TPTE: variants seen among roughly 807,000 people sequenced by gnomAD.
TPTE encodes putative tyrosine-protein phosphatase TPTE.
TPTE carries 59 observed loss-of-function variants against 84.1 expected under a neutral mutation model. The observed-to-expected ratio is 0.70, with a 90% confidence interval of 0.57 to 0.87. The LOEUF (loss-of-function observed/expected upper bound fraction) is 0.87, where lower values mean the gene tolerates loss of function less well. Ranked by LOEUF, TPTE falls within the 40% of genes least tolerant of loss-of-function variation. The pLI is 0.00. For missense variants in TPTE, 382 were observed against 659.6 expected, an observed-to-expected ratio of 0.58 and a Z score of 4.61; for synonymous variants, 130 against 223.5, an observed-to-expected ratio of 0.58 and a Z score of 3.73.
chr21:10,565,644 G>C (rs1277152670), intron 10 of TPTE, among the ~76,000 whole-genome samples: 1 of 152,302 alleles, frequency 6.6e-6, no homozygotes, highest in African/African-American at 2.4e-5. Context: ...CATGGCACTG[G>C]CATAAAAACA....
At chr21:10,562,187 G>A (rs1249589741) in intron 10 of TPTE, among the ~76,000 whole-genome samples, 11 of 152,302 alleles carry the variant, frequency 7.2e-5, no homozygotes, top group African/African-American at 2.2e-4. Flanking sequence ...GAGGCTTGGG[G>A]TGCCCCCTAA....
chr21:10,579,619 A>G (rs1262987718), intron 17 of TPTE, among the ~76,000 whole-genome samples: 2 of 152,310 alleles, frequency 1.3e-5, no homozygotes, highest in Non-Finnish European at 2.9e-5. Context: ...GATTCCACAA[A>G]TAAGCAAGAC....
intron 17 of TPTE, among the ~76,000 whole-genome samples, chr21:10,585,291 A>G (rs1444775477): frequency 6.6e-6 from 1 of 152,268 alleles, no homozygotes; most frequent in Non-Finnish European, 1.5e-5. Flanking sequence ...TTAGCTTGCT[A>G]AGAGTTTTTT....
chr21:10,549,026 C>G (rs1193393541), intron 7 of TPTE, among the ~76,000 whole-genome samples: 1 of 152,310 alleles, frequency 6.6e-6, no homozygotes, highest in Non-Finnish European at 1.5e-5. Context: ...TGAGAAACAG[C>G]CCAGTGAGCC....
intron 1 of TPTE, among the ~76,000 whole-genome samples, chr21:10,522,715 A>T (rs1488000429): frequency 2.0e-5 from 3 of 152,292 alleles, no homozygotes; most frequent in African/African-American, 4.8e-5. Flanking sequence ...ATTGAAGTTT[A>T]TTTTTTCTTA....
chr21:10,551,720 AAAAG>A (rs2074579020), intron 7 of TPTE, among the ~76,000 whole-genome samples: 1 of 152,284 alleles, frequency 6.6e-6, no homozygotes, highest in African/African-American at 2.4e-5. Flanking sequence ...GAAACAAAAA[AAAAG>A]AGACCTCATA....
chr21:10,579,014 A>G (rs2075220138), intron 17 of TPTE, among the ~76,000 whole-genome samples: 1 of 152,306 alleles, frequency 6.6e-6, no homozygotes, highest in African/African-American at 2.4e-5. Flanking sequence ...TTTATGGTGT[A>G]CAACATGATG....
intron 3 of TPTE, among the ~76,000 whole-genome samples, chr21:10,530,261 C>T (rs1040762639): frequency 3.3e-5 from 5 of 152,306 alleles, no homozygotes; most frequent in African/African-American, 9.6e-5. Flanking sequence ...TTGCCATTGG[C>T]TCATTGCTAC....
chr21:10,522,148 C>G (rs1265426857), intron 1 of TPTE, among the ~76,000 whole-genome samples: 2 of 152,270 alleles, frequency 1.3e-5, no homozygotes, highest in Admixed American at 6.5e-5. Context: ...TGTCTTGTCC[C>G]CCCCCAGGAT....
At chr21:10,576,386 C>CA (rs1600937150) in intron 14 of TPTE, 1 of 219,400 alleles carries the variant, frequency 4.6e-6, no homozygotes, top group East Asian at 1.2e-4. Context: ...TGAGCCTAGT[C>CA]TCCATGGTCT....
At position 10,522,795 on chromosome 21, in the gene TPTE, A is replaced by G. The variant is rs570918147; in HGVS notation, c.-211+1101A>G. ...GAGGTACAATGTGATGTTTCAGTAC[A>G]TTTTACATTGCATAATGATCAAATC... On this transcript the variant is annotated intron_variant, in intron 1 of 23. Coordinates refer to ENST00000618007, the MANE Select transcript of TPTE (RefSeq NM_199261.4). Among the ~76,000 whole-genome samples, 6 of 152,420 alleles carry G rather than the reference A, an allele frequency of 3.9e-5. No homozygotes were observed. The South Asian group carries it at 6.2e-4, about 16-fold the overall frequency.
In TPTE at chr21:10,573,738, A is replaced by G. The variant is rs1454973535; in HGVS notation, c.795+3189A>G. Among the ~76,000 whole-genome samples, 10 of 152,406 alleles carry G rather than the reference A, an allele frequency of 6.6e-5. No homozygotes were observed. The South Asian group carries it at 1.9e-3, about 29-fold the overall frequency. The stretch of plus-strand genomic sequence containing the variant: ...AAAATATTTTTAAAGAATGAAGGAA[A>G]CAGATTTTTTAAATGAAAGGAAAGA... On this transcript the variant is annotated intron_variant, in intron 14 of 23. Coordinates refer to ENST00000618007, the MANE Select transcript of TPTE (RefSeq NM_199261.4).
rs1352556028 is a variant in TPTE, at chr21:10,521,921, C to T, written c.-211+227C>T. Among the ~76,000 whole-genome samples the T allele has an allele frequency of 4.6e-5, 7 of 152,344 alleles. No homozygotes were observed. In the South Asian group the frequency reaches 1.2e-3, roughly 27 times the overall value. ...TCCGCGACGCCTCCCTCCCTCCCTC[C>T]GCCCTCCCCGTCCCCTCCTCTCCGC... is the stretch of plus-strand genomic sequence containing the variant. On this transcript the variant is annotated intron_variant, in intron 1 of 23. Transcript: ENST00000618007.
At chr21:10,550,320 T>C (rs563993833) in intron 7 of TPTE, among the ~76,000 whole-genome samples, 59 of 151,864 alleles carry the variant, frequency 3.9e-4, no homozygotes, top group African/African-American at 1.4e-3. Context: ...GACCCCACTA[T>C]ATTTTATCTA....
At chr21:10,596,242 C>T (rs1287897578) in intron 20 of TPTE, among the ~76,000 whole-genome samples, 155 bp downstream of exon 20, 2 of 152,416 alleles carry the variant, frequency 1.3e-5, no homozygotes, top group South Asian at 4.1e-4. Context: ...TTATGCCGCT[C>T]CTCCTGCAAT....
chr21:10,566,210 A>G lies in TPTE; in HGVS notation c.447-1460A>G, dbSNP rs1223422198. 3.3e-5 allele frequency among the ~76,000 whole-genome samples: 5 copies of G among 152,426 alleles called. No homozygotes were observed. The South Asian group carries it at 6.2e-4, about 19-fold the overall frequency. The stretch of plus-strand genomic sequence containing the variant: ...TTTAAATGATAAGATTTGAATAGGC[A>G]TTTCTCAAAATATACAGATGGTAAA... On this transcript the variant is annotated intron_variant, in intron 10 of 23. Coordinates refer to ENST00000618007, the MANE Select transcript of TPTE (RefSeq NM_199261.4).
chr21:10,546,263 G>A (rs1332904252), intron 7 of TPTE, among the ~76,000 whole-genome samples: 1 of 152,294 alleles, frequency 6.6e-6, no homozygotes, highest in African/African-American at 2.4e-5. Context: ...AATTGTTTTG[G>A]GGCAACACGA....
At chr21:10,527,062 G>A (rs2074091660) in intron 2 of TPTE, among the ~76,000 whole-genome samples, 1 of 152,294 alleles carries the variant, frequency 6.6e-6, no homozygotes, top group Non-Finnish European at 1.5e-5. Flanking sequence ...TCCTACCAAG[G>A]ATGACCGGGA....
At position 10,578,649 on chromosome 21, in the gene TPTE, T is replaced by C. The variant is rs745908933; in HGVS notation, c.1027+44T>C. 3 of 1,611,740 alleles carry C rather than the reference T, an allele frequency of 1.9e-6. No homozygotes were observed. The Admixed American group carries it at 5.0e-5, about 27-fold the overall frequency. ...TTATTTCTCCATTTCTAAAGACATGTAAATATACATAAAGTACAAGAACAA... is the reference window on the plus strand; with the variant it reads ...TTATTTCTCCATTTCTAAAGACATGCAAATATACATAAAGTACAAGAACAA... On this transcript the variant is annotated intron_variant, in intron 17 of 23. Transcript: ENST00000618007.
Sources: gnomAD v4.1 joint callset for allele counts (sites outside exome capture counted in the v4.1 genomes callset) on GRCh38, gnomAD v4.1.1 for gene constraint, MANE v1.5 for transcripts, NCBI Gene and HGNC (gene_info 2026-07-23, HGNC 2026-07-21) for gene names.